The following SUPT3H variants were observed in gnomAD, a reference collection of about 807,000 sequenced individuals.
SUPT3H encodes SPT3 homolog, SAGA and STAGA complex component, also known as transcription initiation protein SPT3 homolog.
SUPT3H carries 44 observed loss-of-function variants against 44.3 expected under a neutral mutation model. The observed-to-expected ratio is 0.99, with a 90% CI of 0.78 to 1.28. The LOEUF is 1.28. Ranked by LOEUF, SUPT3H falls within the 50% of genes most tolerant of loss-of-function variation. The probability of loss-of-function intolerance (pLI) is 0.00; values close to 1 mark genes in which losing one functional copy is unlikely to be tolerated. For missense variants in SUPT3H, 380 were observed against 387.1 expected, an observed-to-expected ratio of 0.98 and a Z score of 0.15; for synonymous variants, 124 against 125.6, an observed-to-expected ratio of 0.99 and a Z score of 0.09.
At chr6:44,939,439 T>A (rs1220235035) in intron 9 of SUPT3H, among the ~76,000 whole-genome samples, 1 of 152,186 alleles carries the variant, frequency 6.6e-6, no homozygotes, top group African/African-American at 2.4e-5. Context: ...ATTATCTTTA[T>A]GATATGCTAG....
At chr6:44,955,191 T>C (rs1562127337) in intron 7 of SUPT3H, 1 of 153,718 alleles carries the variant, frequency 6.5e-6, no homozygotes, top group Admixed American at 6.5e-5. Flanking sequence ...AGAACTACCG[T>C]AGGAATATAC....
intron 2 of SUPT3H, among the ~76,000 whole-genome samples, chr6:45,136,550 A>T (rs1014610147): frequency 5.3e-5 from 8 of 152,032 alleles, no homozygotes; most frequent in Non-Finnish European, 1.0e-4. Flanking sequence ...TAAAAAAACT[A>T]AAGGAAAGTA....
At chr6:45,141,053 G>A (rs577570361) in intron 2 of SUPT3H, among the ~76,000 whole-genome samples, 1 of 152,090 alleles carries the variant, frequency 6.6e-6, no homozygotes. Context: ...AAAGAATTCA[G>A]AAGAGGCCGG....
chr6:44,837,859 T>A lies in SUPT3H; in HGVS notation c.913-8002A>T, dbSNP rs565939410. ...TTTTTTTACAATCTTGGTTTTGTAG[T>A]CATGTTACTCAATTGCATTTTCAAG... On this transcript the variant is annotated intron_variant, in intron 10 of 10. Coordinates refer to ENST00000371459, the MANE Select transcript of SUPT3H (RefSeq NM_003599.4). Among the ~76,000 whole-genome samples the A allele has an allele frequency of 1.0e-3, 154 of 152,332 alleles. 1 individual carries two copies. The Middle Eastern group carries it at 0.024, about 24-fold the overall frequency.
intron 2 of SUPT3H, among the ~76,000 whole-genome samples, chr6:45,267,830 T>C (rs1487732376): frequency 1.4e-5 from 2 of 141,684 alleles, no homozygotes; most frequent in Non-Finnish European, 3.3e-5. Context: ...TGACCTAGGT[T>C]GCCCCCTAAT....
At chr6:45,149,176 CATAA>C (rs1311689638) in intron 2 of SUPT3H, among the ~76,000 whole-genome samples, 1 of 152,088 alleles carries the variant, frequency 6.6e-6, no homozygotes, top group Non-Finnish European at 1.5e-5. Flanking sequence ...ATTGCCTATA[CATAA>C]GAATAACCCC....
At chr6:45,322,210 G>GA (rs1237314238) in intron 2 of SUPT3H, among the ~76,000 whole-genome samples, 1 of 151,792 alleles carries the variant, frequency 6.6e-6, no homozygotes, top group Non-Finnish European at 1.5e-5. Flanking sequence ...GCTGAATAAA[G>GA]TTTTAATCAT....
At chr6:45,145,530 A>G (rs1167110612) in intron 2 of SUPT3H, among the ~76,000 whole-genome samples, 2 of 152,302 alleles carry the variant, frequency 1.3e-5, no homozygotes, top group East Asian at 3.9e-4. Flanking sequence ...AGATGGATCA[A>G]AGACTTAAAT....
At chr6:44,928,191 A>G (rs996417631) in intron 10 of SUPT3H, among the ~76,000 whole-genome samples, 3 of 152,188 alleles carry the variant, frequency 2.0e-5, no homozygotes, top group African/African-American at 4.8e-5. Flanking sequence ...TCACCACACA[A>G]TATAACTTCA....
chr6:44,849,220 C>CTTT (rs143665414), intron 10 of SUPT3H, among the ~76,000 whole-genome samples: 15 of 96,618 alleles, frequency 1.6e-4, no homozygotes, highest in African/African-American at 3.4e-4. Context: ...CAAATGAATA[C>CTTT]TTTTTTTTTT....
At chr6:45,003,112 T>C (rs1782225734) in intron 6 of SUPT3H, among the ~76,000 whole-genome samples, 1 of 152,182 alleles carries the variant, frequency 6.6e-6, no homozygotes, top group African/African-American at 2.4e-5. Context: ...ACATATAATT[T>C]TCAAATGCAT....
At chr6:45,191,627 G>T (rs1439119948) in intron 2 of SUPT3H, among the ~76,000 whole-genome samples, 2 of 151,984 alleles carry the variant, frequency 1.3e-5, no homozygotes, top group Non-Finnish European at 2.9e-5. Flanking sequence ...AGGGTGGCAG[G>T]TAGGAACTCT....
intron 2 of SUPT3H, among the ~76,000 whole-genome samples, chr6:45,191,915 C>T (rs751743648): frequency 3.3e-5 from 5 of 151,942 alleles, no homozygotes; most frequent in Non-Finnish European, 5.9e-5. Context: ...ATTAATATAC[C>T]TCATTTCTTA....
intron 10 of SUPT3H, among the ~76,000 whole-genome samples, chr6:44,901,780 C>T (rs566144205): frequency 2.6e-5 from 4 of 152,162 alleles, no homozygotes; most frequent in South Asian, 2.1e-4. Context: ...AGAGAAAGGT[C>T]GGGTTACCCA....
chr6:45,247,227 A>G (rs546354852), intron 2 of SUPT3H, among the ~76,000 whole-genome samples: 1 of 152,222 alleles, frequency 6.6e-6, no homozygotes, highest in Non-Finnish European at 1.5e-5. Context: ...GACAACTGGA[A>G]TAGCCCTATA....
chr6:45,287,730 C>T (rs530338363), intron 2 of SUPT3H, among the ~76,000 whole-genome samples: 4 of 152,260 alleles, frequency 2.6e-5, no homozygotes, highest in African/African-American at 9.6e-5. Context: ...TGCCAATGAA[C>T]TCTACACTTA....
chr6:45,335,018 GA>G (rs1262919930), intron 2 of SUPT3H, among the ~76,000 whole-genome samples: 1 of 151,250 alleles, frequency 6.6e-6, no homozygotes, highest in Non-Finnish European at 1.5e-5. Flanking sequence ...GGGCAAATAT[GA>G]ATGGAATTAA....
chr6:45,052,937 T>C (rs1419887148), intron 3 of SUPT3H, among the ~76,000 whole-genome samples: 2 of 149,234 alleles, frequency 1.3e-5, no homozygotes, highest in African/African-American at 5.0e-5. Flanking sequence ...GTGAATAGAG[T>C]GAGAGAGGAA....
At chr6:45,157,174 G>A (rs62436779) in intron 2 of SUPT3H, among the ~76,000 whole-genome samples, 34,354 of 151,754 alleles carry the variant, frequency 0.23, 4,583 homozygotes, top group Non-Finnish European at 0.31. Flanking sequence ...ATACAACATC[G>A]TAGAAAAGAG....
Sources: allele counts gnomAD v4.1 joint callset (sites outside exome capture counted in the v4.1 genomes callset), GRCh38; gene constraint gnomAD v4.1.1; transcripts MANE v1.5; gene names NCBI Gene and HGNC (gene_info 2026-07-23, HGNC 2026-07-21).